The following DMRT1 variants were observed in gnomAD, a reference collection of about 807,000 sequenced individuals.
DMRT1 encodes doublesex- and mab-3-related transcription factor 1.
A neutral mutation model predicts 32.3 loss-of-function variants in DMRT1; 7 were observed. That is an observed-to-expected ratio of 0.22 (90% CI 0.12 to 0.41). The LOEUF is 0.41. Among genes scored for constraint, DMRT1 ranks in the 10% least tolerant of loss-of-function variants. The probability of loss-of-function intolerance (pLI) is 1.00; values close to 1 mark genes in which losing one functional copy is unlikely to be tolerated. For missense variants in DMRT1, 625 were observed against 500.5 expected, an observed-to-expected ratio of 1.25 and a Z score of -2.37; for synonymous variants, 278 against 206.1, an observed-to-expected ratio of 1.35 and a Z score of -2.99.
At chr9:953,553 C>T (rs1819499791) in intron 4 of DMRT1, among the ~76,000 whole-genome samples, 2 of 152,352 alleles carry the variant, frequency 1.3e-5, no homozygotes, top group East Asian at 1.9e-4. Context: ...TTCTCTCTCG[C>T]CTGCAGGAAG....
intron 1 of DMRT1, 98 bp from the exon 2 acceptor site, chr9:846,862 G>A (rs1838926959): frequency 2.1e-6 from 3 of 1,423,068 alleles, no homozygotes; most frequent in Non-Finnish European, 3.0e-6. Flanking sequence ...CACCTCCAGA[G>A]CTAGTGAATC....
At chr9:842,372 C>G in intron 1 of DMRT1, 180 bp downstream of exon 1, 3 of 765,500 alleles carry the variant, frequency 3.9e-6, no homozygotes, top group Non-Finnish European at 6.2e-6. Context: ...GTAGCTGGGA[C>G]TACAGGCGCA....
At chr9:941,985 T>C (rs1039758780) in intron 4 of DMRT1, among the ~76,000 whole-genome samples, 4 of 152,236 alleles carry the variant, frequency 2.6e-5, no homozygotes, top group African/African-American at 9.6e-5. Context: ...CTTGGCTTTC[T>C]ATCCCAGTTT....
At chr9:851,652 T>G (rs1839156799) in intron 2 of DMRT1, among the ~76,000 whole-genome samples, 1 of 152,172 alleles carries the variant, frequency 6.6e-6, no homozygotes, top group Non-Finnish European at 1.5e-5. Context: ...TTGGCCAAAT[T>G]CTGAGGACAC....
intron 2 of DMRT1, among the ~76,000 whole-genome samples, chr9:854,949 A>G (rs1815330940): frequency 6.7e-6 from 1 of 149,980 alleles, no homozygotes; most frequent in Non-Finnish European, 1.5e-5. Context: ...TTGTATTTTT[A>G]GTAGAGACGG....
At position 917,015 on chromosome 9, in the gene DMRT1, T is replaced by G. The variant is rs10123307; in HGVS notation, c.967+108T>G. The G allele has an allele frequency of 0.14, 173,756 of 1,259,754 alleles. 15,993 individuals carry two copies. The highest frequency in any genetic ancestry group is 0.4 in the African/African-American group (27,155 of 68,056). The allele number at this position is 1,259,754 out of a possible 1,614,324, so 78.0% of individuals were successfully genotyped here. A position where few individuals can be genotyped will look rare whatever the true frequency, so the allele number is the denominator to read the frequency against. Reference sequence around the variant, plus strand: ...CTTAGCTGTTAGTAATTGTTGGAAATTTTATTGCTGTGTGAAGCTTGGATA... The same window carrying G: ...CTTAGCTGTTAGTAATTGTTGGAAAGTTTATTGCTGTGTGAAGCTTGGATA... On this transcript the variant is annotated intron_variant, in intron 4 of 4. Transcript: ENST00000382276.
intron 3 of DMRT1, among the ~76,000 whole-genome samples, chr9:915,827 G>A (rs1236902446): frequency 6.6e-6 from 1 of 151,838 alleles, no homozygotes; most frequent in Non-Finnish European, 1.5e-5. Flanking sequence ...CTGCCTCCCG[G>A]GTTCACGCCA....
intron 4 of DMRT1, among the ~76,000 whole-genome samples, chr9:950,315 T>A (rs1819387706): frequency 6.6e-6 from 1 of 152,220 alleles, no homozygotes. Context: ...GAAAGCTCAC[T>A]GCAGAGGTCT....
intron 3 of DMRT1, among the ~76,000 whole-genome samples, chr9:915,994 A>G (rs193041039): frequency 1.3e-3 from 202 of 152,232 alleles, no homozygotes; most frequent in South Asian, 5.4e-3. Context: ...TGGCCTCCCA[A>G]AGTGCTGGGA....
At chr9:906,445 A>T (rs1817781196) in intron 3 of DMRT1, among the ~76,000 whole-genome samples, 1 of 152,218 alleles carries the variant, frequency 6.6e-6, no homozygotes, top group South Asian at 2.1e-4. Flanking sequence ...ACAGCAGCTA[A>T]TCCAAGTGGC....
intron 1 of DMRT1, chr9:842,435 C>T (rs1838729012): frequency 5.4e-6 from 3 of 554,768 alleles, no homozygotes; most frequent in South Asian, 2.1e-5. Flanking sequence ...GGGGTTTCAC[C>T]ATATTGGTCA....
chr9:888,819 C>G (rs1391231122), intron 2 of DMRT1, among the ~76,000 whole-genome samples: 1 of 152,040 alleles, frequency 6.6e-6, no homozygotes, highest in South Asian at 2.1e-4. Flanking sequence ...TGTGTCTCAA[C>G]AGTTTTAGCA....
chr9:880,580 C>T (rs1276446028), intron 2 of DMRT1, among the ~76,000 whole-genome samples: 1 of 151,636 alleles, frequency 6.6e-6, no homozygotes, highest in African/African-American at 2.4e-5. Context: ...TACAAAATTG[C>T]CTGGGCATGG....
intron 2 of DMRT1, among the ~76,000 whole-genome samples, chr9:884,368 C>A (rs1051015645): frequency 1.9e-3 from 259 of 138,104 alleles, no homozygotes; most frequent in African/African-American, 2.1e-3. Flanking sequence ...CATGTTAGTG[C>A]AAAAAAAAAA....
At position 909,724 on chromosome 9, in the gene DMRT1, T is replaced by G. The variant is rs1056585444; in HGVS notation, c.823-7039T>G. On this transcript the variant is annotated intron_variant, in intron 3 of 4. Transcript: ENST00000382276. ...ACCAAGGGAGTTTTTTTGTTTCTGT[T>G]TTTTTTTGAAACAGGGTCTTAATCT... is the stretch of plus-strand genomic sequence containing the variant. 4.7e-3 allele frequency among the ~76,000 whole-genome samples: 7 copies of G among 1,504 alleles called. No individual in the cohort carries two copies. The African/African-American group carries it at 0.061, about 13-fold the overall frequency. 1.0% of individuals were successfully genotyped at this position (1,504 alleles called of 152,430 possible). A position where few individuals can be genotyped will look rare whatever the true frequency, so the allele number is the denominator to read the frequency against.
At chr9:934,741 A>G (rs1012878082) in intron 4 of DMRT1, among the ~76,000 whole-genome samples, 4 of 152,166 alleles carry the variant, frequency 2.6e-5, no homozygotes, top group Admixed American at 2.0e-4. Flanking sequence ...TATTTGTTAA[A>G]CACTCTCCTT....
intron 2 of DMRT1, among the ~76,000 whole-genome samples, chr9:858,328 G>A (rs1192594838): frequency 2.6e-5 from 4 of 152,020 alleles, no homozygotes; most frequent in Non-Finnish European, 5.9e-5. Context: ...GCTGCCATAG[G>A]GAACTTTTGG....
intron 3 of DMRT1, among the ~76,000 whole-genome samples, chr9:899,224 C>T (rs76125550): frequency 0.14 from 20,660 of 151,890 alleles, 2,801 homozygotes; most frequent in African/African-American, 0.34. Context: ...TTAAAACCAA[C>T]AACTCCTTTT....
At position 935,494 on chromosome 9, in the gene DMRT1, C is replaced by G. The variant is rs150427895; in HGVS notation, c.967+18587C>G. ...CTGCTCCTTGTCAGCCTGTCTGAGT[C>G]TGACTCCAGTGCTAAGCACTTTTCT... On this transcript the variant is annotated intron_variant, in intron 4 of 4. Transcript: ENST00000382276. Among the ~76,000 whole-genome samples, 511 of 152,346 alleles carry G rather than the reference C, an allele frequency of 3.4e-3. 3 individuals carry two copies. The highest frequency in any genetic ancestry group is 0.012 in the African/African-American group (495 of 41,580).
Sources: allele counts gnomAD v4.1 joint callset (sites outside exome capture counted in the v4.1 genomes callset), GRCh38; gene constraint gnomAD v4.1.1; transcripts MANE v1.5; gene names NCBI Gene and HGNC (gene_info 2026-07-23, HGNC 2026-07-21).